TANC2: variants seen among roughly 807,000 people sequenced by gnomAD.
TANC2 encodes the protein tetratricopeptide repeat, ankyrin repeat and coiled-coil containing 2.
A neutral mutation model predicts 210.5 loss-of-function variants in TANC2; 26 were observed. The ratio of observed to expected loss-of-function variants is 0.12; its 90% CI spans 0.09 to 0.17. The LOEUF is 0.17. Ranked by LOEUF, TANC2 falls within the 10% of genes least tolerant of loss-of-function variation. The probability of loss-of-function intolerance (pLI) is 1.00; values close to 1 mark genes in which losing one functional copy is unlikely to be tolerated. For missense variants in TANC2, 2,129 were observed against 2,608.9 expected (o/e 0.82, Z 4.01); for synonymous variants, 931 against 967.1 (o/e 0.96, Z 0.69).
chr17:62,974,536 CAT>C (rs145116770), intron 1 of TANC2, among the ~76,000 whole-genome samples: 1,765 of 152,194 alleles, frequency 0.012, 33 homozygotes, highest in African/African-American at 0.041. Flanking sequence ...AGTGTATTAA[CAT>C]ATTCATTCAT....
chr17:63,124,719 C>T (rs1451261065), intron 4 of TANC2, among the ~76,000 whole-genome samples: 1 of 152,198 alleles, frequency 6.6e-6, no homozygotes, highest in Non-Finnish European at 1.5e-5. Flanking sequence ...CTGGGCGGCA[C>T]AGCAGGATGT....
chr17:63,275,197 A>G (rs1211547687), intron 9 of TANC2, among the ~76,000 whole-genome samples: 4 of 152,188 alleles, frequency 2.6e-5, no homozygotes, highest in African/African-American at 9.6e-5. Flanking sequence ...ACTTGAAGAA[A>G]TTATATATTG....
chr17:63,121,391 A>G (rs2038469638), intron 4 of TANC2, among the ~76,000 whole-genome samples: 1 of 152,084 alleles, frequency 6.6e-6, no homozygotes, highest in Admixed American at 6.6e-5. Context: ...ATAGTACTTG[A>G]CACAGGGGAA....
At chr17:63,306,564 A>G (rs943787843) in intron 9 of TANC2, among the ~76,000 whole-genome samples, 1 of 152,234 alleles carries the variant, frequency 6.6e-6, no homozygotes, top group African/African-American at 2.4e-5. Flanking sequence ...AAACAAAAGA[A>G]TAAATATTGT....
chr17:63,008,288 C>T (rs557684616), intron 1 of TANC2, among the ~76,000 whole-genome samples: 4 of 152,208 alleles, frequency 2.6e-5, no homozygotes, highest in South Asian at 4.1e-4. Flanking sequence ...CCAATTTTCA[C>T]GCTCTTATGA....
intron 5 of TANC2, among the ~76,000 whole-genome samples, chr17:63,176,737 C>T (rs1358701085): frequency 5.7e-5 from 8 of 140,154 alleles, no homozygotes; most frequent in Admixed American, 7.7e-5. Context: ...ACCCGGGAGG[C>T]GGAGCTTGCA....
At chr17:62,997,166 C>G (rs1004115662) in intron 1 of TANC2, among the ~76,000 whole-genome samples, 4 of 136,268 alleles carry the variant, frequency 2.9e-5, no homozygotes, top group African/African-American at 1.1e-4. Flanking sequence ...GTCTCACTCT[C>G]TTTCTGTCAC....
rs2040933029 is a variant in TANC2 at position 63,185,082 on chromosome 17, A to G, written c.434-8909A>G. ...CAATCATGTTTCATTGCAACCTTGA[A>G]CTCCCAGGCTCAAGCCATCCTCTTA... is the stretch of plus-strand genomic sequence containing the variant. On this transcript the variant is annotated intron_variant, in intron 5 of 27. Coordinates refer to ENST00000689528, the Ensembl canonical transcript of TANC2. Among the ~76,000 whole-genome samples, 4 of 150,708 alleles carry G rather than the reference A, an allele frequency of 2.7e-5. No individual in the cohort carries two copies. In the South Asian group the frequency reaches 8.4e-4, roughly 32 times the overall value.
At chr17:63,126,843 C>T (rs373357231) in intron 4 of TANC2, among the ~76,000 whole-genome samples, 15 of 152,184 alleles carry the variant, frequency 9.9e-5, no homozygotes, top group African/African-American at 3.6e-4. Flanking sequence ...TTCCTTTTAC[C>T]TCCCCACCCC....
chr17:63,382,723 G>A (rs1412238276), intron 15 of TANC2, among the ~76,000 whole-genome samples: 1 of 152,114 alleles, frequency 6.6e-6, no homozygotes, highest in Non-Finnish European at 1.5e-5. Context: ...TATTCTAAAT[G>A]TGTTGGGATT....
At chr17:63,200,923 C>G in exon 7 of TANC2, 2 of 1,612,524 alleles carry the variant, frequency 1.2e-6, no homozygotes, top group Non-Finnish European at 8.5e-7. Flanking sequence ...CTAGTCCAAC[C>G]TCTACCCTTG....
intron 3 of TANC2, among the ~76,000 whole-genome samples, chr17:63,091,103 G>C (rs1344746816): frequency 6.6e-6 from 1 of 151,764 alleles, no homozygotes; most frequent in Non-Finnish European, 1.5e-5. Flanking sequence ...GTAGATTCTG[G>C]ATATTAGCCC....
At chr17:63,410,017 A>G (rs1352569001) in intron 21 of TANC2, among the ~76,000 whole-genome samples, 2 of 152,192 alleles carry the variant, frequency 1.3e-5, no homozygotes, top group Non-Finnish European at 2.9e-5. Flanking sequence ...TTGGTGCTCA[A>G]AAAGGTTCAG....
At chr17:63,080,517 C>CT (rs1208231821) in intron 3 of TANC2, among the ~76,000 whole-genome samples, 2 of 152,168 alleles carry the variant, frequency 1.3e-5, no homozygotes, top group East Asian at 3.8e-4. Flanking sequence ...GACGATGTGG[C>CT]TTTGCATGAT....
chr17:63,095,243 G>A (rs1311154857), intron 3 of TANC2, among the ~76,000 whole-genome samples: 8 of 151,986 alleles, frequency 5.3e-5, no homozygotes, highest in Non-Finnish European at 1.0e-4. Flanking sequence ...TAGTATGATC[G>A]TAGCTCACTG....
At chr17:63,379,523 G>A (rs760193671) in intron 14 of TANC2, among the ~76,000 whole-genome samples, 195 bp from the exon 15 acceptor site, 11 of 152,130 alleles carry the variant, frequency 7.2e-5, no homozygotes, top group Non-Finnish European at 1.6e-4. Context: ...AGAAAAATTA[G>A]CCAGACATGG....
At chr17:63,192,211 C>T (rs1351476156) in intron 5 of TANC2, among the ~76,000 whole-genome samples, 4 of 151,896 alleles carry the variant, frequency 2.6e-5, no homozygotes, top group South Asian at 2.1e-4. Flanking sequence ...TATTTTGAGA[C>T]GAGGTAAGTA....
At chr17:63,130,124 C>G (rs888317407) in intron 4 of TANC2, among the ~76,000 whole-genome samples, 1 of 152,068 alleles carries the variant, frequency 6.6e-6, no homozygotes, top group Non-Finnish European at 1.5e-5. Flanking sequence ...AGAAATAAAG[C>G]TGGGAAGGCT....
chr17:63,278,093 CT>C (rs1443349975), intron 9 of TANC2, among the ~76,000 whole-genome samples: 17 of 152,100 alleles, frequency 1.1e-4, no homozygotes. Flanking sequence ...AAGGCTGCAG[CT>C]TCAGTGAGCT....
Sources: allele counts gnomAD v4.1 joint callset (sites outside exome capture counted in the v4.1 genomes callset), GRCh38; gene constraint gnomAD v4.1.1; transcripts MANE v1.5; gene names NCBI Gene and HGNC (gene_info 2026-07-23, HGNC 2026-07-21).